The following ARID1B variants were observed in gnomAD, a reference collection of about 807,000 sequenced individuals.
ARID1B encodes the protein AT-rich interactive domain-containing protein 1B.
A neutral mutation model predicts 212.3 loss-of-function variants in ARID1B; 30 were observed. That is an observed-to-expected ratio of 0.14 (90% confidence interval 0.11 to 0.19). The LOEUF (loss-of-function observed/expected upper bound fraction) is 0.19, where lower values mean the gene tolerates loss of function less well. Among genes scored for constraint, ARID1B ranks in the 10% least tolerant of loss-of-function variants. The pLI, the probability that ARID1B is intolerant of heterozygous loss-of-function variation, is 1.00. For synonymous variants in ARID1B, 1,402 were observed against 1,301.7 expected, an observed-to-expected ratio of 1.08 and a Z score of -1.66; for missense variants, 2,891 against 3,204.0, an observed-to-expected ratio of 0.90 and a Z score of 2.36.
At chr6:156,904,030 G>A (rs1562473941) in intron 3 of ARID1B, among the ~76,000 whole-genome samples, 1 of 152,100 alleles carries the variant, frequency 6.6e-6, no homozygotes. Context: ...AAAATAAAAA[G>A]TACAAGGAAG....
chr6:157,069,510 C>G (rs968779647), intron 4 of ARID1B, among the ~76,000 whole-genome samples: 3 of 152,228 alleles, frequency 2.0e-5, no homozygotes, highest in African/African-American at 7.2e-5. Context: ...CAGAAATGTT[C>G]TCTGGCAAAA....
rs145022766 is a variant in ARID1B at position 157,172,519 on chromosome 6, G to A, written c.3236-1489G>A. On this transcript the variant is annotated intron_variant, in intron 9 of 19. Coordinates refer to ENST00000636930, the MANE Select transcript of ARID1B (RefSeq NM_001374828.1). ...TGGGCTTTGAAAAACAAGCCAATGC[G>A]CCCGTGGAAAAGACGGGATTTCAAA... 2.1e-3 allele frequency among the ~76,000 whole-genome samples: 325 copies of A among 152,330 alleles called. 3 individuals are homozygous for A. The highest frequency in any genetic ancestry group is 0.013 in the East Asian group (65 of 5,184).
At position 156,960,776 on chromosome 6, in the gene ARID1B, G is replaced by T. The variant is rs372110138; in HGVS notation, c.2247+25200G>T. Among the ~76,000 whole-genome samples the T allele has an allele frequency of 5.9e-5, 9 of 151,462 alleles. No individual in the cohort carries two copies. In the East Asian group the frequency reaches 9.7e-4, roughly 16 times the overall value. On this transcript the variant is annotated intron_variant, in intron 4 of 19. Coordinates refer to ENST00000636930, the MANE Select transcript of ARID1B (RefSeq NM_001374828.1). ...GATTCAGATAGAGGAAAGCCACAGGGTTTTAGAATTACAGGCACAAAGCAC... is the reference window on the plus strand; with the variant it reads ...GATTCAGATAGAGGAAAGCCACAGGTTTTTAGAATTACAGGCACAAAGCAC...
intron 3 of ARID1B, among the ~76,000 whole-genome samples, chr6:156,917,104 G>A (rs1790419338): frequency 6.6e-6 from 1 of 152,106 alleles, no homozygotes; most frequent in African/African-American, 2.4e-5. Flanking sequence ...GAGAAGAGTT[G>A]TAGCAAGTAA....
chr6:157,022,639 A>G (rs930315101), intron 4 of ARID1B: 1 of 152,240 alleles, frequency 6.6e-6, no homozygotes, highest in Non-Finnish European at 1.5e-5. Flanking sequence ...TAATCCAACT[A>G]GTAGCAATCA....
At chr6:157,093,429 T>C (rs1363702945) in intron 5 of ARID1B, among the ~76,000 whole-genome samples, 1 of 152,238 alleles carries the variant, frequency 6.6e-6, no homozygotes, top group African/African-American at 2.4e-5. Context: ...TCATCACTTA[T>C]TCTCAATTCA....
intron 2 of ARID1B, among the ~76,000 whole-genome samples, chr6:156,883,891 A>G (rs954156401): frequency 6.6e-6 from 1 of 152,154 alleles, no homozygotes; most frequent in Non-Finnish European, 1.5e-5. Context: ...TGGCAATGGC[A>G]TTTTGTATCA....
Position 156,828,149 on chromosome 6 carries a change from C to T in ARID1B, c.1792-1078C>T, listed in dbSNP as rs561758015. Reference sequence around the variant, plus strand: ...GTGTGATCATAGCTCACTGCAGCCTCGAACTCCTGGGGTCAAGTGATCTTC... The same window carrying T: ...GTGTGATCATAGCTCACTGCAGCCTTGAACTCCTGGGGTCAAGTGATCTTC... On this transcript the variant is annotated intron_variant, in intron 1 of 19. Transcript: ENST00000636930. Among the ~76,000 whole-genome samples the T allele has an allele frequency of 5.3e-5, 8 of 150,748 alleles. No individual in the cohort carries two copies. The South Asian group carries it at 1.5e-3, about 28-fold the overall frequency.
intron 3 of ARID1B, chr6:156,901,728 A>T: frequency 1.5e-6 from 1 of 686,556 alleles, no homozygotes; most frequent in Non-Finnish European, 2.4e-6. Flanking sequence ...GAGAAGAATG[A>T]CTGGTTTAAT....
intron 4 of ARID1B, among the ~76,000 whole-genome samples, chr6:156,982,029 T>C (rs1033138656): frequency 5.9e-5 from 9 of 151,708 alleles, no homozygotes; most frequent in African/African-American, 1.9e-4. Context: ...GATGTCTCTT[T>C]TTTTTTTTTT....
At chr6:157,007,361 T>A (rs1779307834) in intron 4 of ARID1B, among the ~76,000 whole-genome samples, 1 of 152,246 alleles carries the variant, frequency 6.6e-6, no homozygotes, top group Non-Finnish European at 1.5e-5. Context: ...TCCCAAAATG[T>A]TATTCTTTTC....
At chr6:156,865,729 G>A (rs1451415557) in intron 2 of ARID1B, among the ~76,000 whole-genome samples, 1 of 151,666 alleles carries the variant, frequency 6.6e-6, no homozygotes, top group South Asian at 2.1e-4. Flanking sequence ...TTCTAGAAAA[G>A]TTTTTCATTT....
chr6:156,954,437 A>C (rs1793808331), intron 4 of ARID1B, among the ~76,000 whole-genome samples: 2 of 151,476 alleles, frequency 1.3e-5, no homozygotes, highest in Admixed American at 1.3e-4. Context: ...GCACACACAT[A>C]CATATGATTT....
At chr6:156,824,467 A>G (rs549416641) in intron 1 of ARID1B, among the ~76,000 whole-genome samples, 1 of 152,316 alleles carries the variant, frequency 6.6e-6, no homozygotes, top group East Asian at 1.9e-4. Context: ...GATAGATGTT[A>G]AAAAAACATA....
Position 156,911,487 on chromosome 6 carries a change from T to C in ARID1B, c.2136+9962T>C, listed in dbSNP as rs908331610. ...TCTAGCATTCCTACCCTATAGCCACTGTTTAAATGCATTTCTGTGTCCTTG... is the reference window on the plus strand; with the variant it reads ...TCTAGCATTCCTACCCTATAGCCACCGTTTAAATGCATTTCTGTGTCCTTG... On this transcript the variant is annotated intron_variant, in intron 3 of 19. Coordinates refer to ENST00000636930, the MANE Select transcript of ARID1B (RefSeq NM_001374828.1). Among the ~76,000 whole-genome samples the C allele has an allele frequency of 5.3e-5, 8 of 152,256 alleles. No individual in the cohort carries two copies. In the South Asian group the frequency reaches 6.2e-4, roughly 12 times the overall value.
At chr6:156,886,563 C>T (rs566024585) in intron 2 of ARID1B, among the ~76,000 whole-genome samples, 455 of 152,256 alleles carry the variant, frequency 3.0e-3, no homozygotes, top group Non-Finnish European at 5.0e-3. Context: ...AGTGGCTGTT[C>T]GCTTCCTCCA....
chr6:156,846,683 C>T (rs935563636), intron 2 of ARID1B, among the ~76,000 whole-genome samples: 1 of 152,134 alleles, frequency 6.6e-6, no homozygotes, highest in African/African-American at 2.4e-5. Context: ...GTCTGGAGAG[C>T]TGGAGGCTGA....
At chr6:157,039,318 A>ATTTT (rs1215591720) in intron 4 of ARID1B, among the ~76,000 whole-genome samples, 3 of 112,826 alleles carry the variant, frequency 2.7e-5, no homozygotes, top group Non-Finnish European at 5.6e-5. Context: ...GAAATTTGAC[A>ATTTT]TTTCTTTTTT....
At chr6:156,994,164 C>G (rs1346533147) in intron 4 of ARID1B, among the ~76,000 whole-genome samples, 3 of 152,092 alleles carry the variant, frequency 2.0e-5, no homozygotes, top group Admixed American at 2.0e-4. Context: ...GAAATAGTGA[C>G]TGATTTAAAA....
Sources: allele counts gnomAD v4.1 joint callset (sites outside exome capture counted in the v4.1 genomes callset), GRCh38; gene constraint gnomAD v4.1.1; transcripts MANE v1.5; gene names NCBI Gene and HGNC (gene_info 2026-07-23, HGNC 2026-07-21).